Variants in ATR observed in about 807,000 individuals in gnomAD.
ATR encodes the protein ATR checkpoint kinase.
In ATR, 142 loss-of-function variants were observed where a neutral mutation model predicts 305.3. The observed-to-expected ratio is 0.47, with a 90% CI of 0.41 to 0.53. ATR has a LOEUF of 0.53. Ranked by LOEUF, ATR falls within the 20% of genes least tolerant of loss-of-function variation. The pLI is 0.00. For missense variants in ATR, 2,135 were observed against 3,133.1 expected, an observed-to-expected ratio of 0.68 and a Z score of 7.60; for synonymous variants, 1,050 against 1,068.1, an observed-to-expected ratio of 0.98 and a Z score of 0.33.
chr3:142,469,608 G>A (rs772508698), intron 37 of ATR, 39 bp from the exon 38 acceptor site: 1 of 1,539,558 alleles, frequency 6.5e-7, no homozygotes, highest in Non-Finnish European at 9.0e-7. Flanking sequence ...ATAAAGGAAA[G>A]AGAAAAATCA....
At chr3:142,466,689 C>A (rs2071139384) in intron 39 of ATR, among the ~76,000 whole-genome samples, 156 bp from the exon 40 acceptor site, 1 of 152,100 alleles carries the variant, frequency 6.6e-6, no homozygotes. Context: ...TCATTTACCT[C>A]ATTAATAATA....
At chr3:142,521,535 A>G (rs1450083361) in intron 23 of ATR, among the ~76,000 whole-genome samples, 1 of 152,234 alleles carries the variant, frequency 6.6e-6, no homozygotes, top group Non-Finnish European at 1.5e-5. Context: ...GAAAGAATTC[A>G]CTATTCTAGA....
chr3:142,565,006 C>T (rs1338543506), intron 3 of ATR, among the ~76,000 whole-genome samples: 1 of 152,074 alleles, frequency 6.6e-6, no homozygotes, highest in East Asian at 1.9e-4. Flanking sequence ...CTCGAACTCC[C>T]AAAGTGCTGG....
chr3:142,554,148 G>GTA, intron 10 of ATR, 133 bp from the exon 11 acceptor site: 1 of 728,814 alleles, frequency 1.4e-6, no homozygotes, highest in Non-Finnish European at 2.2e-6. Context: ...TCATATTTAA[G>GTA]TATGTATAGC....
chr3:142,510,249 A>G (rs1403860172), intron 27 of ATR, among the ~76,000 whole-genome samples: 1 of 152,100 alleles, frequency 6.6e-6, no homozygotes, highest in African/African-American at 2.4e-5. Context: ...TAATTCCAAC[A>G]CTTTGGGAGA....
chr3:142,565,698 C>T (rs944530184), intron 3 of ATR, among the ~76,000 whole-genome samples: 1 of 133,850 alleles, frequency 7.5e-6, no homozygotes, highest in African/African-American at 2.8e-5. Flanking sequence ...CAGTTCAAGA[C>T]CAGCCTGGGC....
chr3:142,536,080 C>G lies in ATR; in HGVS notation c.3819+28G>C, dbSNP rs1368312150. On this transcript the variant is annotated intron_variant, in intron 20 of 46. Coordinates refer to ENST00000350721, the MANE Select transcript of ATR (RefSeq NM_001184.4). ...GGGAACAATTCTGTATTAATGATCT[C>G]CTAAACCACAAATTAAAAATTAAAT... The G allele has an allele frequency of 6.2e-6, 9 of 1,451,082 alleles. No homozygotes were observed. The South Asian group carries it at 1.0e-4, about 17-fold the overall frequency. The allele number at this position is 1,451,082 out of a possible 1,614,324, so 89.9% of individuals were successfully genotyped here.
chr3:142,537,844 C>T (rs1286687063), intron 19 of ATR, among the ~76,000 whole-genome samples: 2 of 152,144 alleles, frequency 1.3e-5, no homozygotes, highest in Non-Finnish European at 2.9e-5. Flanking sequence ...CAATAGTAAT[C>T]CACACTGGCT....
intron 34 of ATR, among the ~76,000 whole-genome samples, chr3:142,494,914 G>T (rs2031496510): frequency 6.6e-6 from 1 of 152,168 alleles, no homozygotes; most frequent in African/African-American, 2.4e-5. Context: ...TGTTAATATT[G>T]TTAGAGGAAG....
intron 16 of ATR, among the ~76,000 whole-genome samples, chr3:142,544,405 T>C (rs1223187921): frequency 7.9e-6 from 1 of 127,044 alleles, no homozygotes; most frequent in African/African-American, 3.1e-5. Context: ...TGGGCTGAGA[T>C]TGCACCACTG....
At position 142,547,745 on chromosome 3, in the gene ATR, T is replaced by C. The variant is rs756443045; in HGVS notation, c.3337A>G (p.Ile1113Val). The stretch of plus-strand genomic sequence containing the variant: ...CTTACCATCAGTTCAGGTGATATGA[T>C]ATCTCTCGGGCCCTGATATGGATCA... ...SDDPYQGPRD[I>V]ISPELMADYL... The change falls in exon 16 of 47, where the codon ATC becomes GTC. Residue 1113 changes from isoleucine to valine, a missense_variant. Around this residue, in one of 9 missense-constraint regions of ATR, gnomAD observed 530 missense variants for 766.8 expected, o/e 0.69. Transcript: ENST00000350721. The C allele has an allele frequency of 6.2e-7, 1 of 1,613,928 alleles. No homozygotes were observed. The highest frequency in any genetic ancestry group is 8.5e-7 in the Non-Finnish European group (1 of 1,179,902).
intron 4 of ATR, 124 bp downstream of exon 4, chr3:142,562,106 TTA>T: frequency 9.1e-7 from 1 of 1,094,140 alleles, no homozygotes; most frequent in African/African-American, 1.6e-5. Flanking sequence ...ATGAAAATCA[TTA>T]TGTTCCAAAT....
chr3:142,453,893 A>T (rs1182927620), intron 45 of ATR, among the ~76,000 whole-genome samples: 1 of 152,208 alleles, frequency 6.6e-6, no homozygotes, highest in South Asian at 2.1e-4. Flanking sequence ...CCAGTACACC[A>T]TCATCCTTTC....
intron 2 of ATR, among the ~76,000 whole-genome samples, chr3:142,567,761 T>C (rs1206444554): frequency 6.6e-6 from 1 of 152,172 alleles, no homozygotes; most frequent in African/African-American, 2.4e-5. Context: ...CTAACCAAAA[T>C]AGGGTCCACA....
intron 35 of ATR, among the ~76,000 whole-genome samples, chr3:142,489,036 C>A (rs1194327291): frequency 6.6e-6 from 1 of 152,030 alleles, no homozygotes; most frequent in Non-Finnish European, 1.5e-5. Flanking sequence ...TAAATGATAT[C>A]TTTAAAAATT....
intron 46 of ATR, chr3:142,451,407 C>T: frequency 6.8e-7 from 1 of 1,472,428 alleles, no homozygotes; most frequent in East Asian, 3.0e-5. Flanking sequence ...AGATCTGAAG[C>T]CTAGAAATAT....
intron 31 of ATR, chr3:142,499,259 T>C: frequency 3.3e-6 from 1 of 305,066 alleles, no homozygotes; most frequent in East Asian, 8.5e-5. Context: ...GTTGCTAAGT[T>C]ACTTAAGTCT....
chr3:142,468,218 C>T, intron 38 of ATR, 150 bp from the exon 39 acceptor site: 4 of 894,474 alleles, frequency 4.5e-6, no homozygotes, highest in Non-Finnish European at 5.0e-6. Flanking sequence ...GCAATGCTAT[C>T]AAGAGCCATA....
At chr3:142,455,541 T>TA (rs1355458034) in intron 45 of ATR, among the ~76,000 whole-genome samples, 1 of 152,200 alleles carries the variant, frequency 6.6e-6, no homozygotes, top group East Asian at 1.9e-4. Context: ...CAAAACACTG[T>TA]GTTGTTAGCA....
Sources: allele counts gnomAD v4.1 joint callset (sites outside exome capture counted in the v4.1 genomes callset), GRCh38; gene constraint gnomAD v4.1.1; regional missense constraint gnomAD v4.1.1; transcripts MANE v1.5; gene names NCBI Gene and HGNC (gene_info 2026-07-23, HGNC 2026-07-21).